OTOGL: variants seen among roughly 807,000 people sequenced by gnomAD.
OTOGL encodes otogelin like.
In OTOGL, 285 loss-of-function variants were observed where a neutral mutation model predicts 318.5. The observed-to-expected ratio is 0.89, with a 90% CI of 0.81 to 0.99. The LOEUF is 0.99. OTOGL is among the 50% of genes least tolerant of loss of function. The pLI is 0.00. For missense variants in OTOGL, 2,899 were observed against 2,845.6 expected (o/e 1.02, Z -0.43); for synonymous variants, 987 against 936.5 (o/e 1.05, Z -0.99).
chr12:80,278,240 CT>C lies in OTOGL; in HGVS notation c.2755del (p.Ser919GlnfsTer4). The C allele has an allele frequency of 6.5e-7, 1 of 1,546,120 alleles. No individual in the cohort carries two copies. Among genetic ancestry groups the C allele is most frequent in the Non-Finnish European group, 8.7e-7 (1 of 1,143,620 alleles). On this transcript the variant is annotated frameshift_variant, in exon 25 of 59. Transcript: ENST00000547103. LOFTEE classifies it high-confidence loss of function. ...PCIWKDWEYL[S>X]GEVIATPCYT... ...GTATTTGGAAAGATTGGGAGTATCT[CT>C]CAGGAGAAGTGATTGCTACACCGTG...
At chr12:80,244,153 T>A (rs184563734) in intron 11 of OTOGL, among the ~76,000 whole-genome samples, 1 of 150,402 alleles carries the variant, frequency 6.6e-6, no homozygotes, top group Non-Finnish European at 1.5e-5. Context: ...AGGACGAAAG[T>A]CCTATTTTTT....
intron 29 of OTOGL, among the ~76,000 whole-genome samples, chr12:80,307,435 G>C (rs951000417): frequency 6.7e-6 from 1 of 148,908 alleles, no homozygotes; most frequent in African/African-American, 2.5e-5. Flanking sequence ...CCAGACGGGG[G>C]GCTGACCCCC....
intron 15 of OTOGL, among the ~76,000 whole-genome samples, chr12:80,254,778 T>C (rs1193854180): frequency 6.6e-6 from 1 of 151,970 alleles, no homozygotes; most frequent in Non-Finnish European, 1.5e-5. Context: ...ATAGTGTAAA[T>C]GTTATAAAAC....
chr12:80,165,586 C>A (rs1470776109), intron 1 of OTOGL, among the ~76,000 whole-genome samples: 1 of 152,172 alleles, frequency 6.6e-6, no homozygotes, highest in African/African-American at 2.4e-5. Context: ...TCTGTTTCTT[C>A]TGTCTTCCAT....
At chr12:80,108,083 C>T (rs546611644) in intron 1 of OTOGL, among the ~76,000 whole-genome samples, 48 of 152,126 alleles carry the variant, frequency 3.2e-4, no homozygotes, top group Non-Finnish European at 5.6e-4. Flanking sequence ...TGCACATGTA[C>T]CCCAAAACTA....
intron 1 of OTOGL, among the ~76,000 whole-genome samples, chr12:80,169,898 C>G (rs1874075431): frequency 6.6e-6 from 1 of 152,114 alleles, no homozygotes; most frequent in African/African-American, 2.4e-5. Context: ...CCAAAATTTT[C>G]TTATCCATTC....
At position 80,124,876 on chromosome 12, in the gene OTOGL, G is replaced by A. The variant is rs1377039691; in HGVS notation, c.-20+25271G>A. Among the ~76,000 whole-genome samples, 17 of 152,094 alleles carry A rather than the reference G, an allele frequency of 1.1e-4. 1 individual carries two copies. Among genetic ancestry groups the A allele is most frequent in the Admixed American group, 3.3e-4 (5 of 15,262 alleles). ...GTGTATAAGAATGCTTGTGATTTTC[G>A]TACATTGATTTTGTATCCTGAGACT... On this transcript the variant is annotated intron_variant, in intron 1 of 58. Transcript: ENST00000547103.
At chr12:80,287,819 A>G (rs1291168842) in intron 26 of OTOGL, among the ~76,000 whole-genome samples, 1 of 152,120 alleles carries the variant, frequency 6.6e-6, no homozygotes, top group Non-Finnish European at 1.5e-5. Context: ...TCTCCTGAAT[A>G]TAGCACAGCA....
intron 1 of OTOGL, among the ~76,000 whole-genome samples, chr12:80,202,705 C>A (rs545041056): frequency 6.6e-6 from 1 of 152,230 alleles, no homozygotes; most frequent in South Asian, 2.1e-4. Context: ...AGACCCCCAT[C>A]TAATTCATAG....
At chr12:80,224,043 A>G (rs1878599233) in intron 7 of OTOGL, among the ~76,000 whole-genome samples, 1 of 152,226 alleles carries the variant, frequency 6.6e-6, no homozygotes, top group Non-Finnish European at 1.5e-5. Flanking sequence ...GTTATATTCT[A>G]GAATTTGTAT....
chr12:80,367,482 C>G, intron 53 of OTOGL, 79 bp from the exon 54 acceptor site: 1 of 1,137,834 alleles, frequency 8.8e-7, no homozygotes, highest in East Asian at 3.1e-5. Flanking sequence ...AAAACATAGA[C>G]TCAAATATAA....
At chr12:80,224,805 T>C (rs1878675518) in intron 7 of OTOGL, among the ~76,000 whole-genome samples, 1 of 152,030 alleles carries the variant, frequency 6.6e-6, no homozygotes, top group East Asian at 1.9e-4. Flanking sequence ...TTTTTAAGGC[T>C]ACAAATCTTC....
chr12:80,345,076 ATAT>A (rs1200770801), intron 44 of OTOGL, among the ~76,000 whole-genome samples: 57 of 98,798 alleles, frequency 5.8e-4, no homozygotes, highest in Admixed American at 1.2e-3. Flanking sequence ...ATTATAATAT[ATAT>A]TATTATATGT....
chr12:80,358,370 C>T, intron 50 of OTOGL, 21 bp downstream of exon 50: 1 of 1,519,744 alleles, frequency 6.6e-7, no homozygotes, highest in Non-Finnish European at 9.0e-7. Flanking sequence ...ATTAACTATT[C>T]TAAAATATTT....
At chr12:80,222,013 A>G (rs1878389471) in intron 6 of OTOGL, 78 bp from the exon 7 acceptor site, 5 of 1,415,540 alleles carry the variant, frequency 3.5e-6, no homozygotes, top group Non-Finnish European at 1.9e-6. Context: ...AATTAGAATC[A>G]TTTACCATGA....
intron 52 of OTOGL, among the ~76,000 whole-genome samples, chr12:80,362,382 G>T (rs569987401): frequency 6.6e-6 from 1 of 152,270 alleles, no homozygotes; most frequent in African/African-American, 2.4e-5. Flanking sequence ...GATTACTGCA[G>T]CTTTGTAGTA....
intron 1 of OTOGL, chr12:80,103,232 A>G (rs1869247899): frequency 6.8e-7 from 1 of 1,463,738 alleles, no homozygotes; most frequent in Non-Finnish European, 9.6e-7. Context: ...GCTCTTTGGA[A>G]AGAAGGGAAG....
At chr12:80,297,149 C>T (rs35948434) in intron 27 of OTOGL, among the ~76,000 whole-genome samples, 188 bp downstream of exon 27, 1 of 152,168 alleles carries the variant, frequency 6.6e-6, no homozygotes, top group Admixed American at 6.5e-5. Flanking sequence ...TTCCCTTCTC[C>T]ATCTTCCAAT....
At chr12:80,346,461 G>A (rs1312591901) in intron 44 of OTOGL, among the ~76,000 whole-genome samples, 2 of 152,136 alleles carry the variant, frequency 1.3e-5, no homozygotes, top group Non-Finnish European at 2.9e-5. Context: ...AGATAGGCTA[G>A]GCAGGTATAG....
Sources: gnomAD v4.1 joint callset for allele counts (sites outside exome capture counted in the v4.1 genomes callset) on GRCh38, gnomAD v4.1.1 for gene constraint, MANE v1.5 for transcripts, NCBI Gene and HGNC (gene_info 2026-07-23, HGNC 2026-07-21) for gene names.